Variants in RBM14 observed in about 807,000 individuals in gnomAD.
RBM14 encodes the protein RNA-binding protein 14.
In RBM14, 5 loss-of-function variants were observed where a neutral mutation model predicts 52.8. The ratio of observed to expected loss-of-function variants is 0.09; its 90% CI spans 0.05 to 0.20. RBM14 has a LOEUF of 0.20. Among genes scored for constraint, RBM14 ranks in the 10% least tolerant of loss-of-function variants. The pLI, the probability that RBM14 is intolerant of heterozygous loss-of-function variation, is 1.00. For synonymous variants in RBM14, 411 were observed against 401.8 expected, an observed-to-expected ratio of 1.02 and a Z score of -0.28; for missense variants, 780 against 926.6, an observed-to-expected ratio of 0.84 and a Z score of 2.05.
In RBM14 at chr11:66,624,039, T is replaced by C. The variant is rs968184928; in HGVS notation, c.338-175T>C. 1.1e-5 allele frequency: 12 copies of C among 1,103,326 alleles called. No individual in the cohort carries two copies. The Admixed American group carries it at 1.2e-4, about 11-fold the overall frequency. 68.3% of individuals were successfully genotyped at this position (1,103,326 alleles called of 1,614,324 possible). On this transcript the variant is annotated intron_variant, in intron 1 of 2. Transcript: ENST00000310137. This position sits in a 1 kb window ranked among gnomAD's most constrained non-coding sequence, Gnocchi z 4.7. ...AGGCAAAGATGACTGCTTGGGACAG[T>C]CAGAAGCTTTGTTATATGGGAGCTA...
chr11:66,625,228 C>T lies in RBM14; in HGVS notation c.1352C>T (p.Ala451Val), dbSNP rs1477548585. Residue 451 changes from alanine to valine, a missense_variant, in exon 2 of 3, where the codon GCA (alanine) becomes GTA (valine). This residue lies in a region of RBM14 where 675 missense variants were observed against 697.3 expected (regional missense o/e 0.97). Coordinates refer to ENST00000310137, the MANE Select transcript of RBM14 (RefSeq NM_006328.4). The surrounding 1 kb of genome is among the most constrained non-coding windows in gnomAD (Gnocchi z 4.2). ...GCCAGCCAGCCAGCAGCCTACGCCGCACAAGCCACTACCCCAATGGCTGGC... is the reference window on the plus strand; with the variant it reads ...GCCAGCCAGCCAGCAGCCTACGCCGTACAAGCCACTACCCCAATGGCTGGC... The part of the protein sequence containing the change: ...AYASQPAAYA[A>V]QATTPMAGSY... 2 of 1,611,230 alleles carry T rather than the reference C, an allele frequency of 1.2e-6. No individual in the cohort carries two copies. Among genetic ancestry groups the T allele is most frequent in the Non-Finnish European group, 1.7e-6 (2 of 1,179,828 alleles).
chr11:66,623,844 G>T, intron 1 of RBM14: 1 of 716,782 alleles, frequency 1.4e-6, no homozygotes, highest in East Asian at 2.7e-5. Flanking sequence ...GAACACTGAA[G>T]AACTGAGTGA....
chr11:66,626,917 G>A lies in RBM14; in HGVS notation c.*249G>A, dbSNP rs546799342. 13 of 409,168 alleles carry A rather than the reference G, an allele frequency of 3.2e-5. No homozygotes were observed. The highest frequency in any genetic ancestry group is 3.0e-4 in the South Asian group (4 of 13,496). 25.3% of individuals were successfully genotyped at this position (409,168 alleles called of 1,614,324 possible). On this transcript the variant is annotated 3_prime_UTR_variant, in exon 3 of 3. Transcript: ENST00000310137. ...CGGTTTCCCCTCTACCCTGCCTCCC[G>A]TCTCCCCAGAATGGGAATTTCTTTT...
At chr11:66,623,023 C>T (rs1415220169) in intron 1 of RBM14, among the ~76,000 whole-genome samples, 1 of 152,174 alleles carries the variant, frequency 6.6e-6, no homozygotes, top group Admixed American at 6.6e-5. Context: ...GAAGTTTTCT[C>T]CTTCTGTGTA....
At position 66,624,494 on chromosome 11, in the gene RBM14, A is replaced by C. The variant is rs766334858; in HGVS notation, c.618A>C (p.Thr206=). ...GGFDGQARQP[T]PPFFGRDRSP... ...TTGATGGGCAAGCCCGTCAGCCCAC[A>C]CCACCCTTCTTTGGTCGCGACCGCA... The change falls in exon 2 of 3, where the codon ACA becomes ACC. Residue 206 remains threonine (T), a synonymous_variant. Coordinates refer to ENST00000310137, the MANE Select transcript of RBM14 (RefSeq NM_006328.4). The surrounding 1 kb of genome is among the most constrained non-coding windows in gnomAD (Gnocchi z 4.7). 2 of 1,612,884 alleles carry C rather than the reference A, an allele frequency of 1.2e-6. No homozygotes were observed. The highest frequency in any genetic ancestry group is 1.3e-5 in the African/African-American group (1 of 74,852).
In RBM14 at chr11:66,625,020, G is replaced by A; in HGVS notation, c.1144G>A (p.Ala382Thr). ...SSLGSYGAQA[A>T]SYGAQSAASS... ...CTTAGGCTCCTACGGGGCTCAGGCA[G>A]CCTCCTATGGGGCCCAGTCTGCAGC... Residue 382 changes from alanine to threonine, a missense_variant, in exon 2 of 3, where the codon GCC becomes ACC. Around this residue, in one of 4 missense-constraint regions of RBM14, gnomAD observed 675 missense variants for 697.3 expected, o/e 0.97. Transcript: ENST00000310137. This position sits in a 1 kb window ranked among gnomAD's most constrained non-coding sequence, Gnocchi z 4.2. 1 of 1,613,370 alleles carries A rather than the reference G, an allele frequency of 6.2e-7. No homozygotes were observed. The highest frequency in any genetic ancestry group is 8.5e-7 in the Non-Finnish European group (1 of 1,179,644).
chr11:66,628,049 A>G lies in RBM14; in HGVS notation c.*1381A>G, dbSNP rs576468844. Among the ~76,000 whole-genome samples the G allele has an allele frequency of 7.2e-5, 11 of 152,086 alleles. No homozygotes were observed. The South Asian group carries it at 2.1e-3, about 29-fold the overall frequency. ...TTTCAGATGTCCTCTCGCTGGGTTT[A>G]TATTTGAAGGTATAGAATCTGGGAA... On this transcript the variant is annotated 3_prime_UTR_variant, in exon 3 of 3. Transcript: ENST00000310137.
Position 66,626,957 on chromosome 11 carries a change from T to C in RBM14, c.*289T>C. The C allele has an allele frequency of 3.2e-6, 1 of 310,756 alleles. No individual in the cohort carries two copies. 19.2% of individuals were successfully genotyped at this position (310,756 alleles called of 1,614,324 possible). On this transcript the variant is annotated 3_prime_UTR_variant, in exon 3 of 3. Transcript: ENST00000310137. ...GAATTTCTTTTATGTTTTTATTTTT[T>C]TCCTGGCTCCCTTTTATTTTTGTGC...
Position 66,624,603 on chromosome 11 carries a change from G to A in RBM14, c.727G>A (p.Val243Met), listed in dbSNP as rs373935164. The change falls in exon 2 of 3, where the codon GTG (valine) becomes ATG (methionine). Residue 243 changes from valine (V) to methionine (M), a missense_variant. Val to Met is a conservative substitution (Grantham distance 21, BLOSUM62 1). Coordinates refer to ENST00000310137, the MANE Select transcript of RBM14 (RefSeq NM_006328.4). This position sits in a 1 kb window ranked among gnomAD's most constrained non-coding sequence, Gnocchi z 4.7. ...QPATYRAQPS[V>M]SLGAAYRAQP... ...AGCTACCTACCGGGCCCAGCCGTCC[G>A]TGTCACTGGGAGCTGCCTACAGGGC... 92 of 1,612,278 alleles carry A rather than the reference G, an allele frequency of 5.7e-5. No individual in the cohort carries two copies. Among genetic ancestry groups the A allele is most frequent in the Non-Finnish European group, 7.1e-5 (84 of 1,179,984 alleles).
In RBM14 at chr11:66,624,338, G is replaced by A. The variant is rs534878980; in HGVS notation, c.462G>A (p.Gly154=). 1 of 1,614,144 alleles carries A rather than the reference G, an allele frequency of 6.2e-7. No homozygotes were observed. The highest frequency in any genetic ancestry group is 1.1e-5 in the South Asian group (1 of 91,078). Residue 154 remains glycine (G), a synonymous_variant, in exon 2 of 3, where the codon GGG becomes GGA. Transcript: ENST00000310137. This position sits in a 1 kb window ranked among gnomAD's most constrained non-coding sequence, Gnocchi z 4.7. The part of the protein sequence containing the change: ...VELSTKGQKK[G]PGLAVQSGDK... ...TCTCCACCAAGGGTCAGAAGAAGGG[G>A]CCTGGCCTGGCTGTCCAGTCTGGGG...
At chr11:66,617,499 C>T (rs917843824) in intron 1 of RBM14, 4 of 1,001,236 alleles carry the variant, frequency 4.0e-6, no homozygotes, top group East Asian at 1.1e-4. Context: ...TGGGGGCTGA[C>T]GCCCCAAGGC....
intron 1 of RBM14, 151 bp downstream of exon 1, chr11:66,617,208 G>C: frequency 7.0e-7 from 1 of 1,434,150 alleles, no homozygotes; most frequent in Non-Finnish European, 9.1e-7. Flanking sequence ...GCGTTGGGTA[G>C]AGCCACCCTC....
chr11:66,628,848 C>G lies in RBM14; in HGVS notation c.*2180C>G, dbSNP rs61740430. ...TCTCCAGTGAGGGTTCTGCCACTGT[C>G]TCAATCCCTTGGTTCCTGCAAAAAA... On this transcript the variant is annotated 3_prime_UTR_variant, in exon 3 of 3. Coordinates refer to ENST00000310137, the MANE Select transcript of RBM14 (RefSeq NM_006328.4). 6.6e-6 allele frequency among the ~76,000 whole-genome samples: 1 copy of G among 152,168 alleles called. No individual in the cohort carries two copies. Among genetic ancestry groups the G allele is most frequent in the Admixed American group, 6.5e-5 (1 of 15,268 alleles).
In RBM14 at chr11:66,617,066, G is replaced by C. The variant is rs762381727; in HGVS notation, c.337+9G>C. 3.8e-6 allele frequency: 6 copies of C among 1,566,418 alleles called. No individual in the cohort carries two copies. Among genetic ancestry groups the C allele is most frequent in the Non-Finnish European group, 4.3e-6 (5 of 1,153,976 alleles). On this transcript the variant is annotated intron_variant, in intron 1 of 2. Coordinates refer to ENST00000310137, the MANE Select transcript of RBM14 (RefSeq NM_006328.4). ...GTGTGACGTGGTGAAAGGTAACGCG[G>C]AGGCGCGCTCGGGGGCGGGGGCGCG...
intron 1 of RBM14, among the ~76,000 whole-genome samples, chr11:66,620,146 T>G (rs1049293795): frequency 2.6e-5 from 4 of 152,236 alleles, no homozygotes; most frequent in African/African-American, 9.6e-5. Context: ...TTGCACTTAC[T>G]GTGATGGGGC....
At chr11:66,618,274 C>T (rs763802573) in intron 1 of RBM14, among the ~76,000 whole-genome samples, 2 of 152,060 alleles carry the variant, frequency 1.3e-5, no homozygotes, top group Non-Finnish European at 2.9e-5. Context: ...TGGGTTCATA[C>T]CTGCTCATAC....
intron 1 of RBM14, chr11:66,617,671 T>G: frequency 1.6e-6 from 1 of 631,164 alleles, no homozygotes; most frequent in Non-Finnish European, 2.0e-6. Flanking sequence ...ACTTTGGCCT[T>G]TCAATATTAG....
rs1352460607 is a variant in RBM14, at chr11:66,627,653, CTT to C, written c.*988_*989del. ...GCCTGTGCTTGACCATTTTCACTGA[CTT>C]TTCTCCAGTTCAGGAATAACCTGTG... is the stretch of plus-strand genomic sequence containing the variant. On this transcript the variant is annotated 3_prime_UTR_variant, in exon 3 of 3. Transcript: ENST00000310137. 6.6e-6 allele frequency among the ~76,000 whole-genome samples: 1 copy of C among 152,186 alleles called. No individual in the cohort carries two copies. The highest frequency in any genetic ancestry group is 1.5e-5 in the Non-Finnish European group (1 of 68,034).
chr11:66,623,478 G>C (rs1412700234), intron 1 of RBM14, among the ~76,000 whole-genome samples: 4 of 152,212 alleles, frequency 2.6e-5, no homozygotes, highest in African/African-American at 4.8e-5. Context: ...TTCTGGTCCT[G>C]ACTCTAACAC....
Sources: allele counts gnomAD v4.1 joint callset (sites outside exome capture counted in the v4.1 genomes callset), GRCh38; gene constraint gnomAD v4.1.1; regional missense constraint gnomAD v4.1.1; non-coding constraint Gnocchi (gnomAD v3.1); transcripts MANE v1.5; gene names NCBI Gene and HGNC (gene_info 2026-07-23, HGNC 2026-07-21).